The following CHRNA7 variants were observed in gnomAD, a reference collection of about 807,000 sequenced individuals.
CHRNA7 encodes neuronal acetylcholine receptor subunit alpha-7.
In CHRNA7, 17 loss-of-function variants were observed where a neutral mutation model predicts 48.0. That is an observed-to-expected ratio of 0.35 (90% CI 0.24 to 0.53). The LOEUF is 0.53. CHRNA7 is among the 20% of genes least tolerant of loss of function. CHRNA7 has a pLI of 0.92. For missense variants in CHRNA7, 155 were observed against 577.7 expected (o/e 0.27, Z 7.50); for synonymous variants, 75 against 242.3 (o/e 0.31, Z 6.41).
chr15:32,138,185 T>A (rs1008685718), intron 4 of CHRNA7, among the ~76,000 whole-genome samples: 1 of 152,004 alleles, frequency 6.6e-6, no homozygotes, highest in African/African-American at 2.4e-5. Flanking sequence ...CAGGAAATAA[T>A]TACCAAGAAA....
rs1901802860 is a variant in CHRNA7 at position 32,030,955 on chromosome 15, A to G, written c.113A>G (p.Asn38Ser). Reference protein sequence around the residue: ...KLYKELVKNYNPLERPVANDS... With the variant: ...KLYKELVKNYSPLERPVANDS... ...TACAAGGAGCTGGTCAAGAACTACA[A>G]TCCCTTGGAGAGGCCCGTGGCCAAT... The change falls in exon 2 of 10, where the codon AAT becomes AGT. Residue 38 changes from asparagine (N) to serine (S), a missense_variant. Transcript: ENST00000306901. 2 of 1,614,082 alleles carry G rather than the reference A, an allele frequency of 1.2e-6. No homozygotes were observed. Among genetic ancestry groups the G allele is most frequent in the African/African-American group, 1.3e-5 (1 of 75,036 alleles).
intron 4 of CHRNA7, 64 bp downstream of exon 4, chr15:32,111,963 ATT>A: frequency 1.0e-6 from 1 of 966,746 alleles, no homozygotes; most frequent in Non-Finnish European, 1.7e-6. Context: ...TATCACGTAT[ATT>A]TGAATATTTC....
At position 32,094,666 on chromosome 15, in the gene CHRNA7, C is replaced by CT. The variant is rs5811680; in HGVS notation, c.196-6625dup. On this transcript the variant is annotated intron_variant, in intron 2 of 9. Transcript: ENST00000306901. The stretch of plus-strand genomic sequence containing the variant: ...TTTAGGCACTTTTCTTTTTCTTTTT[C>CT]TTTTTTTTTTTTGAGACAGAGTCTT... Among the ~76,000 whole-genome samples, 808 of 146,390 alleles carry CT rather than the reference C, an allele frequency of 5.5e-3. 3 individuals carry two copies. The highest frequency in any genetic ancestry group is 0.018 in the Middle Eastern group (5 of 282).
At chr15:32,068,360 G>A (rs12916592) in intron 2 of CHRNA7, among the ~76,000 whole-genome samples, 122,629 of 152,060 alleles carry the variant, frequency 0.81, 50,848 homozygotes, top group South Asian at 0.91. Flanking sequence ...ATTGCACATG[G>A]AAGTAGGTGG....
intron 2 of CHRNA7, among the ~76,000 whole-genome samples, chr15:32,063,944 G>A (rs1019049759): frequency 6.6e-6 from 1 of 152,170 alleles, no homozygotes; most frequent in Admixed American, 6.5e-5. Context: ...CTTCTCAGTT[G>A]ATGGATGGTG....
chr15:32,046,726 A>G (rs1481366249), intron 2 of CHRNA7, among the ~76,000 whole-genome samples: 2 of 152,142 alleles, frequency 1.3e-5, no homozygotes, highest in Admixed American at 1.3e-4. Context: ...TTGGTGTTTT[A>G]GACATGAAGT....
At chr15:32,091,541 T>A (rs1013732724) in intron 2 of CHRNA7, among the ~76,000 whole-genome samples, 1 of 152,190 alleles carries the variant, frequency 6.6e-6, no homozygotes, top group East Asian at 1.9e-4. Flanking sequence ...GGAAATAGAG[T>A]GTACCCTGAC....
rs537847367 is a variant in CHRNA7, at chr15:32,059,551, G to T, written c.195+28514G>T. Among the ~76,000 whole-genome samples the T allele has an allele frequency of 2.0e-5, 3 of 152,198 alleles. No homozygotes were observed. The South Asian group carries it at 6.2e-4, about 32-fold the overall frequency. ...TAAAATAAGGTGTCCTGGGCTCACT[G>T]TGTGTACCTCCCACCACAGACTGGA... On this transcript the variant is annotated intron_variant, in intron 2 of 9. Coordinates refer to ENST00000306901, the MANE Select transcript of CHRNA7 (RefSeq NM_000746.6).
chr15:32,162,521 G>A (rs1168672049), intron 8 of CHRNA7: 2 of 87,402 alleles, frequency 2.3e-5, no homozygotes, highest in Admixed American at 1.0e-4. Flanking sequence ...ACCTCCCAAA[G>A]CCCCACCTCC....
chr15:32,053,504 G>T (rs1232907704), intron 2 of CHRNA7, among the ~76,000 whole-genome samples: 2 of 152,116 alleles, frequency 1.3e-5, no homozygotes, highest in African/African-American at 4.8e-5. Context: ...TATAGCCAAA[G>T]AAATTCAAAA....
At chr15:32,107,826 T>C (rs985369422) in intron 3 of CHRNA7, among the ~76,000 whole-genome samples, 41 of 151,436 alleles carry the variant, frequency 2.7e-4, no homozygotes, top group African/African-American at 9.2e-4. Context: ...TTTACTCCAG[T>C]CACTAGGTGA....
At chr15:32,064,733 A>G (rs2141209371) in intron 2 of CHRNA7, among the ~76,000 whole-genome samples, 1 of 152,216 alleles carries the variant, frequency 6.6e-6, no homozygotes, top group East Asian at 1.9e-4. Context: ...GGAAACCAAA[A>G]CAAGGGAGGG....
At chr15:32,059,203 C>T (rs1027094021) in intron 2 of CHRNA7, among the ~76,000 whole-genome samples, 5 of 152,046 alleles carry the variant, frequency 3.3e-5, no homozygotes, top group Admixed American at 1.3e-4. Flanking sequence ...AGGGTTTTAC[C>T]GTGTTGGCCA....
At chr15:32,104,898 T>C (rs1177972311) in intron 3 of CHRNA7, among the ~76,000 whole-genome samples, 3 of 152,184 alleles carry the variant, frequency 2.0e-5, no homozygotes, top group Non-Finnish European at 4.4e-5. Context: ...GAGAAATGCA[T>C]GTTATGGAGA....
intron 4 of CHRNA7, among the ~76,000 whole-genome samples, chr15:32,114,038 ATATATG>A (rs1390906502): frequency 3.6e-5 from 3 of 82,338 alleles, no homozygotes; most frequent in African/African-American, 1.0e-4. Flanking sequence ...ATATATATAT[ATATATG>A]TATATATATA....
chr15:32,120,972 C>A (rs1352802986), intron 4 of CHRNA7, among the ~76,000 whole-genome samples: 1 of 152,126 alleles, frequency 6.6e-6, no homozygotes, highest in Non-Finnish European at 1.5e-5. Flanking sequence ...GCCACCCCGC[C>A]CCTTCCCGAG....
intron 2 of CHRNA7, among the ~76,000 whole-genome samples, chr15:32,063,418 A>G (rs963978564): frequency 6.6e-6 from 1 of 152,168 alleles, no homozygotes; most frequent in Non-Finnish European, 1.5e-5. Flanking sequence ...AAAAATGCAA[A>G]TGAGCTTCCA....
intron 2 of CHRNA7, among the ~76,000 whole-genome samples, chr15:32,071,796 C>A (rs2050062579): frequency 6.6e-6 from 1 of 151,044 alleles, no homozygotes; most frequent in Admixed American, 6.7e-5. Flanking sequence ...GCTTCTCGTA[C>A]AGCCTGCAGA....
At chr15:32,127,706 A>G (rs1165393937) in intron 4 of CHRNA7, among the ~76,000 whole-genome samples, 1 of 152,004 alleles carries the variant, frequency 6.6e-6, no homozygotes, top group African/African-American at 2.4e-5. Context: ...TTTATGCTAG[A>G]TATGCCTTTT....
Sources: allele counts gnomAD v4.1 joint callset (sites outside exome capture counted in the v4.1 genomes callset), GRCh38; gene constraint gnomAD v4.1.1; transcripts MANE v1.5; gene names NCBI Gene and HGNC (gene_info 2026-07-23, HGNC 2026-07-21).